The following COL13A1 variants were observed in gnomAD, a reference collection of about 807,000 sequenced individuals.
The protein encoded by COL13A1 is collagen alpha-1(XIII) chain.
COL13A1 carries 89 observed loss-of-function variants against 130.9 expected under a neutral mutation model. That is an observed-to-expected ratio of 0.68 (90% CI 0.57 to 0.81). The LOEUF is 0.81. Ranked by LOEUF, COL13A1 falls within the 30% of genes least tolerant of loss-of-function variation. COL13A1 has a pLI of 0.00. For synonymous variants in COL13A1, 402 were observed against 341.6 expected (o/e 1.18, Z -1.95); for missense variants, 879 against 934.6 (o/e 0.94, Z 0.78).
At position 69,927,111 on chromosome 10, in the gene COL13A1, G is replaced by A; in HGVS notation, c.1422+1G>A. The A allele has an allele frequency of 6.2e-7, 1 of 1,613,638 alleles. No homozygotes were observed. The highest frequency in any genetic ancestry group is 8.5e-7 in the Non-Finnish European group (1 of 1,179,798). On this transcript the variant is annotated splice_donor_variant, in intron 27 of 40. Transcript: ENST00000645393. LOFTEE classifies it high-confidence loss of function. ...GGAGATCCGGACGCTGGCCTTGATG[G>A]TAAGTTTTGCTCCTCCTGGCTTTCC...
chr10:69,898,016 C>T (rs2061822136), intron 13 of COL13A1, among the ~76,000 whole-genome samples: 1 of 152,168 alleles, frequency 6.6e-6, no homozygotes, highest in African/African-American at 2.4e-5. Flanking sequence ...CTTCCAGGCC[C>T]CGCAGCCCCA....
chr10:69,847,910 A>G (rs898065676), intron 2 of COL13A1, among the ~76,000 whole-genome samples: 1 of 152,230 alleles, frequency 6.6e-6, no homozygotes, highest in African/African-American at 2.4e-5. Flanking sequence ...CTTCCTGCAA[A>G]GGGCTGGACC....
At chr10:69,924,435 G>A (rs898670424) in intron 24 of COL13A1, among the ~76,000 whole-genome samples, 2 of 151,824 alleles carry the variant, frequency 1.3e-5, no homozygotes, top group Non-Finnish European at 2.9e-5. Flanking sequence ...CCTTCCACCC[G>A]CCCACTCTGG....
At chr10:69,833,037 C>T (rs541763188) in intron 2 of COL13A1, among the ~76,000 whole-genome samples, 1 of 152,330 alleles carries the variant, frequency 6.6e-6, no homozygotes, top group East Asian at 1.9e-4. Flanking sequence ...CCGCAGCACG[C>T]ACTGCCTGGT....
intron 1 of COL13A1, among the ~76,000 whole-genome samples, chr10:69,806,843 C>A (rs1036090618): frequency 6.6e-6 from 1 of 152,076 alleles, no homozygotes; most frequent in African/African-American, 2.4e-5. Context: ...CCCATCTCTA[C>A]TAAAAAATAC....
At chr10:69,958,659 A>T (rs755070194) in intron 40 of COL13A1, 40 bp from the exon 41 acceptor site, 2 of 1,613,854 alleles carry the variant, frequency 1.2e-6, no homozygotes, top group Non-Finnish European at 1.7e-6. Context: ...CTGCAGACCC[A>T]CTGAAACTAA....
At chr10:69,894,151 C>G (rs1330935251) in intron 10 of COL13A1, among the ~76,000 whole-genome samples, 1 of 152,206 alleles carries the variant, frequency 6.6e-6, no homozygotes, top group Non-Finnish European at 1.5e-5. Flanking sequence ...AGAAGTTCTT[C>G]TGGTTCAGTG....
intron 3 of COL13A1, among the ~76,000 whole-genome samples, 164 bp from the exon 4 acceptor site, chr10:69,872,020 C>T (rs2059119875): frequency 6.6e-6 from 1 of 152,268 alleles, no homozygotes; most frequent in African/African-American, 2.4e-5. Flanking sequence ...TGGAAGGAAG[C>T]TTTATAAGCC....
chr10:69,906,777 C>G (rs2062800759), intron 17 of COL13A1, among the ~76,000 whole-genome samples: 1 of 151,986 alleles, frequency 6.6e-6, no homozygotes, highest in South Asian at 2.1e-4. Context: ...TGTCACCAGG[C>G]TGGAGTGCAA....
intron 7 of COL13A1, 67 bp downstream of exon 7, chr10:69,880,620 G>T (rs1405489583): frequency 3.2e-6 from 5 of 1,539,750 alleles, no homozygotes; most frequent in Non-Finnish European, 4.5e-6. Context: ...GGGCTTTTAG[G>T]CTGGGGATGA....
At chr10:69,860,979 G>A (rs1857896053) in intron 2 of COL13A1, among the ~76,000 whole-genome samples, 1 of 152,182 alleles carries the variant, frequency 6.6e-6, no homozygotes, top group Admixed American at 6.5e-5. Flanking sequence ...GAACTTTAAG[G>A]TTTTGTTGGG....
chr10:69,929,187 G>T (rs1347774233), intron 28 of COL13A1, among the ~76,000 whole-genome samples, 188 bp downstream of exon 28: 3 of 151,102 alleles, frequency 2.0e-5, no homozygotes, highest in Non-Finnish European at 1.5e-5. Flanking sequence ...CTTGCCATCT[G>T]CTTGGGCTCC....
chr10:69,927,103 C>T lies in COL13A1; in HGVS notation c.1415C>T (p.Ala472Val), dbSNP rs1433712760. The T allele has an allele frequency of 1.2e-6, 2 of 1,613,854 alleles. No homozygotes were observed. The highest frequency in any genetic ancestry group is 1.7e-6 in the Non-Finnish European group (2 of 1,179,838). The change falls in exon 27 of 41, where the codon GCC becomes GTC. Residue 472 changes from alanine to valine, a missense_variant. Physicochemically the swap from Ala to Val is moderately conservative, Grantham distance 64. This residue lies in a region of COL13A1 where 715 missense variants were observed against 721.0 expected (regional missense o/e 0.99). Coordinates refer to ENST00000645393, the MANE Select transcript of COL13A1 (RefSeq NM_001368882.1). ...GTTTTTTAGGAGATCCGGACGCTGG[C>T]CTTGATGGTAAGTTTTGCTCCTCCT... ...NEALQEIRTL[A>V]LMGPPGLPGQ...
chr10:69,887,367 G>A (rs1204226615), intron 7 of COL13A1, 89 bp from the exon 8 acceptor site: 2 of 1,353,442 alleles, frequency 1.5e-6, no homozygotes, highest in Non-Finnish European at 2.1e-6. Flanking sequence ...AAGTGAGAGG[G>A]ATGGGAGCAA....
intron 1 of COL13A1, among the ~76,000 whole-genome samples, chr10:69,808,200 C>G (rs887734594): frequency 1.3e-5 from 2 of 152,146 alleles, no homozygotes; most frequent in Non-Finnish European, 2.9e-5. Flanking sequence ...TGGGGAAAAC[C>G]AAAAGCATCT....
At chr10:69,930,270 G>A in intron 29 of COL13A1, 130 bp from the exon 30 acceptor site, 1 of 1,090,634 alleles carries the variant, frequency 9.2e-7, no homozygotes, top group Non-Finnish European at 1.3e-6. Flanking sequence ...GGCAGACCCA[G>A]GCTGGGCTGT....
intron 30 of COL13A1, 44 bp downstream of exon 30, chr10:69,930,596 C>A: frequency 6.3e-7 from 1 of 1,586,120 alleles, no homozygotes; most frequent in Non-Finnish European, 8.6e-7. Flanking sequence ...ACACCACTCC[C>A]AAGCATGACG....
intron 38 of COL13A1, among the ~76,000 whole-genome samples, chr10:69,948,589 A>G (rs1329155340): frequency 2.6e-5 from 4 of 152,234 alleles, no homozygotes; most frequent in Non-Finnish European, 5.9e-5. Context: ...GGCCTCTAAA[A>G]TCTTTGATCA....
chr10:69,929,755 G>A (rs533876658), intron 28 of COL13A1, among the ~76,000 whole-genome samples: 2 of 152,312 alleles, frequency 1.3e-5, no homozygotes, highest in Admixed American at 6.5e-5. Context: ...AGAGGCAGCA[G>A]TGGGAGGTTG....
Sources: gnomAD v4.1 joint callset for allele counts (sites outside exome capture counted in the v4.1 genomes callset) on GRCh38, gnomAD v4.1.1 for gene constraint, gnomAD v4.1.1 regional missense constraint, MANE v1.5 for transcripts, NCBI Gene and HGNC (gene_info 2026-07-23, HGNC 2026-07-21) for gene names.